Variants in METTL15 observed in about 807,000 individuals in gnomAD.
The protein encoded by METTL15 is 12S rRNA N(4)-cytidine methyltransferase METTL15.
A neutral mutation model predicts 38.3 loss-of-function variants in METTL15; 34 were observed. That is an observed-to-expected ratio of 0.89 (90% confidence interval 0.68 to 1.18). The LOEUF is 1.18. Ranked by LOEUF, METTL15 falls within the 50% of genes most tolerant of loss-of-function variation. The pLI is 0.00. For missense variants in METTL15, 438 were observed against 498.4 expected, an observed-to-expected ratio of 0.88 and a Z score of 1.15; for synonymous variants, 162 against 170.9, an observed-to-expected ratio of 0.95 and a Z score of 0.41.
At chr11:28,401,938 A>G (rs1850634357) in intron 5 of METTL15, among the ~76,000 whole-genome samples, 1 of 152,008 alleles carries the variant, frequency 6.6e-6, no homozygotes, top group Non-Finnish European at 1.5e-5. Context: ...GTACTTAGTG[A>G]CTTATTTTTT....
intron 3 of METTL15, among the ~76,000 whole-genome samples, chr11:28,142,796 G>C (rs1214357952): frequency 6.6e-6 from 1 of 152,130 alleles, no homozygotes; most frequent in Non-Finnish European, 1.5e-5. Context: ...AACTAGATTA[G>C]ATAGATATTT....
intron 6 of METTL15, among the ~76,000 whole-genome samples, chr11:28,470,294 A>G (rs1395408036): frequency 6.6e-6 from 1 of 152,172 alleles, no homozygotes; most frequent in African/African-American, 2.4e-5. Context: ...ACATAGTAAT[A>G]GAAGTTTTAG....
At chr11:28,212,701 A>G (rs1852692385) in intron 4 of METTL15, among the ~76,000 whole-genome samples, 1 of 152,220 alleles carries the variant, frequency 6.6e-6, no homozygotes, top group African/African-American at 2.4e-5. Context: ...ACAAGAAGAA[A>G]AAAGTTTTGT....
At chr11:28,334,083 A>G (rs1387204290), downstream of METTL15, among the ~76,000 whole-genome samples, 1 of 151,960 alleles carries the variant, frequency 6.6e-6, no homozygotes, top group East Asian at 1.9e-4. Context: ...ATGGCTAAAA[A>G]AAGAGAAAAA....
intron 3 of METTL15, among the ~76,000 whole-genome samples, chr11:28,129,163 C>T (rs1186479431): frequency 6.6e-6 from 1 of 152,160 alleles, no homozygotes; most frequent in Non-Finnish European, 1.5e-5. Context: ...CTGTCAAACA[C>T]TTGAGGAATC....
rs1301016587 is a variant in METTL15 at position 28,375,298 on chromosome 11, G to T, written c.*358+13262G>T. ...TCAGCTGTGAATCCATCTGGTCCTG[G>T]ACTCTTTTTGGTTGGTAAGCTATTG... On this transcript the variant is annotated intron_variant and NMD_transcript_variant, in intron 5 of 7. Transcript: ENST00000532947. Among the ~76,000 whole-genome samples the T allele has an allele frequency of 2.0e-5, 3 of 147,756 alleles. No individual in the cohort carries two copies. In the Admixed American group the frequency reaches 2.0e-4, roughly 10 times the overall value.
At chr11:28,525,050 C>T (rs1851797815) in intron 6 of METTL15, among the ~76,000 whole-genome samples, 2 of 151,460 alleles carry the variant, frequency 1.3e-5, no homozygotes, top group South Asian at 2.1e-4. Flanking sequence ...GCTCGTTCCT[C>T]CTGGTGGGTT....
chr11:28,209,919 C>G (rs1158221959), intron 3 of METTL15, among the ~76,000 whole-genome samples: 1 of 151,960 alleles, frequency 6.6e-6, no homozygotes, highest in Admixed American at 6.6e-5. Context: ...CTTATGTTGT[C>G]ATTGTAGTCA....
intron 6 of METTL15, among the ~76,000 whole-genome samples, chr11:28,488,335 G>T (rs947696931): frequency 2.0e-5 from 3 of 151,554 alleles, no homozygotes; most frequent in Non-Finnish European, 2.9e-5. Flanking sequence ...TCCTGTTGCT[G>T]TTTTTTTTCT....
At chr11:28,334,250 A>G (rs1849880425), downstream of METTL15, among the ~76,000 whole-genome samples, 3 of 152,010 alleles carry the variant, frequency 2.0e-5, no homozygotes, top group Admixed American at 6.6e-5. Flanking sequence ...TTATGTTTCA[A>G]TTTATCTCTG....
At chr11:28,498,523 T>C (rs1208164385) in intron 6 of METTL15, among the ~76,000 whole-genome samples, 2 of 152,152 alleles carry the variant, frequency 1.3e-5, no homozygotes, top group Non-Finnish European at 2.9e-5. Context: ...TGTTTATATA[T>C]CCAGAAAAAC....
intron 5 of METTL15, among the ~76,000 whole-genome samples, chr11:28,382,086 T>G (rs1850392362): frequency 6.6e-6 from 1 of 152,222 alleles, no homozygotes; most frequent in African/African-American, 2.4e-5. Flanking sequence ...TTTTCCCCAA[T>G]AGATCACTAC....
intron 6 of METTL15, among the ~76,000 whole-genome samples, chr11:28,308,990 T>A (rs1857180211): frequency 6.6e-6 from 1 of 152,198 alleles, no homozygotes; most frequent in Non-Finnish European, 1.5e-5. Context: ...AACCAATAGA[T>A]AGATTGATCG....
intron 3 of METTL15, among the ~76,000 whole-genome samples, chr11:28,185,869 G>A (rs1434847863): frequency 6.7e-6 from 1 of 149,170 alleles, no homozygotes; most frequent in African/African-American, 2.4e-5. Context: ...TGTATTTGGG[G>A]AGATATAATT....
chr11:28,236,148 G>A (rs1034371909), intron 4 of METTL15, among the ~76,000 whole-genome samples: 4 of 152,096 alleles, frequency 2.6e-5, no homozygotes, highest in Non-Finnish European at 4.4e-5. Context: ...TGCATCCCAG[G>A]GATGAAGCCC....
intron 5 of METTL15, among the ~76,000 whole-genome samples, chr11:28,373,780 A>G (rs1850273373): frequency 1.3e-5 from 2 of 152,110 alleles, no homozygotes; most frequent in South Asian, 4.1e-4. Context: ...GTTTTCTTCT[A>G]GGGTTTTTCT....
chr11:28,222,235 C>T (rs891189439), intron 4 of METTL15, among the ~76,000 whole-genome samples: 12 of 152,310 alleles, frequency 7.9e-5, no homozygotes, highest in Non-Finnish European at 1.3e-4. Flanking sequence ...TGTTTACCTG[C>T]TGAAGCCTCA....
chr11:28,165,573 T>C lies in METTL15; in HGVS notation c.271-45489T>C, dbSNP rs149590422. Among the ~76,000 whole-genome samples, 23 of 152,268 alleles carry C rather than the reference T, an allele frequency of 1.5e-4. No individual in the cohort carries two copies. In the East Asian group the frequency reaches 4.2e-3, roughly 28 times the overall value. ...TTGAGTTTGTTAACTCCTTATTAGA[T>C]GTATGGTTTGCAGATATTTTCTCTC... On this transcript the variant is annotated intron_variant, in intron 3 of 6. Transcript: ENST00000407364.
At chr11:28,197,478 A>G (rs1258550227) in intron 3 of METTL15, 2 of 448,468 alleles carry the variant, frequency 4.5e-6, no homozygotes, top group East Asian at 7.0e-5. Flanking sequence ...GCATATCCCA[A>G]TTTCCTGGTG....
Sources: gnomAD v4.1 joint callset for allele counts (sites outside exome capture counted in the v4.1 genomes callset) on GRCh38, gnomAD v4.1.1 for gene constraint, MANE v1.5 for transcripts, NCBI Gene and HGNC (gene_info 2026-07-23, HGNC 2026-07-21) for gene names.